ETNK1: variants seen among roughly 807,000 people sequenced by gnomAD.
ETNK1 encodes ethanolamine kinase 1.
A neutral mutation model predicts 45.1 loss-of-function variants in ETNK1; 8 were observed. That is an observed-to-expected ratio of 0.18 (90% CI 0.10 to 0.32). The LOEUF (loss-of-function observed/expected upper bound fraction) is 0.32. Among genes scored for constraint, ETNK1 ranks in the 10% least tolerant of loss-of-function variants. The probability of loss-of-function intolerance (pLI) is 1.00; values close to 1 mark genes in which losing one functional copy is unlikely to be tolerated. For missense variants in ETNK1, 302 were observed against 430.6 expected, an observed-to-expected ratio of 0.70 and a Z score of 2.64; for synonymous variants, 152 against 151.9, an observed-to-expected ratio of 1.00 and a Z score of -0.01.
At chr12:22,669,252 A>G (rs990588012) in intron 4 of ETNK1, among the ~76,000 whole-genome samples, 4 of 151,984 alleles carry the variant, frequency 2.6e-5, no homozygotes, top group African/African-American at 7.2e-5. Context: ...TTGTATAGGG[A>G]ATTCATCTTC....
intron 2 of ETNK1, among the ~76,000 whole-genome samples, chr12:22,658,389 G>C (rs1953965351): frequency 6.6e-6 from 1 of 152,162 alleles, no homozygotes; most frequent in South Asian, 2.1e-4. Context: ...TCAGGAATCT[G>C]ACTCACCAGT....
chr12:22,633,504 G>A (rs1396373241), intron 1 of ETNK1, among the ~76,000 whole-genome samples: 2 of 152,176 alleles, frequency 1.3e-5, no homozygotes, highest in Admixed American at 6.5e-5. Flanking sequence ...AGCTTTGTTC[G>A]TTTTTAAGAT....
chr12:22,659,771 G>T (rs1346625657), intron 3 of ETNK1, among the ~76,000 whole-genome samples: 1 of 152,014 alleles, frequency 6.6e-6, no homozygotes, highest in Non-Finnish European at 1.5e-5. Context: ...TTCAAAGAAG[G>T]TTATTTGAGT....
At chr12:22,635,530 C>G (rs1265523810) in intron 1 of ETNK1, among the ~76,000 whole-genome samples, 1 of 152,186 alleles carries the variant, frequency 6.6e-6, no homozygotes, top group Non-Finnish European at 1.5e-5. Flanking sequence ...AGTTCTAAGA[C>G]TTCTACTCCT....
At chr12:22,676,983 C>T (rs999783168) in intron 6 of ETNK1, among the ~76,000 whole-genome samples, 1 of 152,010 alleles carries the variant, frequency 6.6e-6, no homozygotes, top group South Asian at 2.1e-4. Flanking sequence ...ACGATAGTTT[C>T]TTTTGCTGTG....
chr12:22,626,068 C>T, intron 1 of ETNK1: 1 of 353,692 alleles, frequency 2.8e-6, no homozygotes, highest in South Asian at 2.1e-5. Flanking sequence ...CAAACCCTAG[C>T]GTACTCAATT....
intron 2 of ETNK1, among the ~76,000 whole-genome samples, chr12:22,656,139 C>T (rs1953938024): frequency 6.6e-6 from 1 of 152,106 alleles, no homozygotes. Flanking sequence ...TAAGTATTTA[C>T]AGTAGAATTG....
intron 4 of ETNK1, among the ~76,000 whole-genome samples, chr12:22,666,595 C>T (rs1490962324): frequency 2.6e-5 from 4 of 151,944 alleles, no homozygotes; most frequent in Non-Finnish European, 5.9e-5. Context: ...TCCTGCTGTC[C>T]CCATTTCTTC....
chr12:22,685,295 C>T lies in ETNK1; in HGVS notation c.*341C>T, dbSNP rs1368778358. Reference sequence around the variant, plus strand: ...TGACTGTTTTTCTCTGTTTCACGTTCGTTGAGTGTAAGCAATGAAAATGTC... The same window carrying T: ...TGACTGTTTTTCTCTGTTTCACGTTTGTTGAGTGTAAGCAATGAAAATGTC... On this transcript the variant is annotated 3_prime_UTR_variant, in exon 8 of 8. Coordinates refer to ENST00000266517, the MANE Select transcript of ETNK1 (RefSeq NM_018638.5). The T allele has an allele frequency of 2.3e-5, 4 of 176,282 alleles. No homozygotes were observed. The highest frequency in any genetic ancestry group is 1.2e-4 in the Admixed American group (2 of 16,394). 10.9% of individuals were successfully genotyped at this position (176,282 alleles called of 1,614,324 possible).
intron 4 of ETNK1, among the ~76,000 whole-genome samples, chr12:22,665,873 T>A (rs1041642517): frequency 6.6e-6 from 1 of 152,108 alleles, no homozygotes; most frequent in African/African-American, 2.4e-5. Flanking sequence ...CAGATAGATA[T>A]GATGTGACAA....
chr12:22,635,857 GC>G (rs1953649250), intron 1 of ETNK1, among the ~76,000 whole-genome samples: 1 of 152,084 alleles, frequency 6.6e-6, no homozygotes, highest in Non-Finnish European at 1.5e-5. Context: ...TTATAATGAA[GC>G]CCATAGTCAA....
chr12:22,685,650 C>A lies in ETNK1; in HGVS notation c.*696C>A, dbSNP rs1954254755. 3 of 151,802 alleles carry A rather than the reference C, an allele frequency of 2.0e-5. No individual in the cohort carries two copies. The highest frequency in any genetic ancestry group is 7.2e-5 in the African/African-American group (3 of 41,496). The allele number at this position is 151,802 out of a possible 1,614,324, so 9.4% of individuals were successfully genotyped here. On this transcript the variant is annotated 3_prime_UTR_variant, in exon 8 of 8. Transcript: ENST00000266517. ...TAAATATAAATATTTACCATATAAT[C>A]TTGGAATAAGTATTAGTTAATGTTA...
intron 1 of ETNK1, among the ~76,000 whole-genome samples, chr12:22,632,195 A>C (rs1387113974): frequency 6.6e-6 from 1 of 152,132 alleles, no homozygotes; most frequent in Non-Finnish European, 1.5e-5. Flanking sequence ...CCGTATGAAC[A>C]TGAAATAATT....
intron 3 of ETNK1, 116 bp downstream of exon 3, chr12:22,659,270 AAG>A: frequency 9.8e-7 from 1 of 1,021,360 alleles, no homozygotes; most frequent in Non-Finnish European, 1.4e-6. Flanking sequence ...CTTTGCATTG[AAG>A]TAAAGTAAGC....
rs927187982 is a variant in ETNK1 at position 22,687,981 on chromosome 12, T to G, written c.*3027T>G. On this transcript the variant is annotated 3_prime_UTR_variant, in exon 8 of 8. Transcript: ENST00000266517. Reference sequence around the variant, plus strand: ...TCTCAGTGCTTAATAAGACTTTTCTTTATTTTTTAGTTAGCCGTTAGGTTT... The same window carrying G: ...TCTCAGTGCTTAATAAGACTTTTCTGTATTTTTTAGTTAGCCGTTAGGTTT... 6.6e-6 allele frequency: 1 copy of G among 152,420 alleles called. No individual in the cohort carries two copies. The highest frequency in any genetic ancestry group is 2.4e-5 in the African/African-American group (1 of 41,544). 9.4% of individuals were successfully genotyped at this position (152,420 alleles called of 1,614,324 possible).
At chr12:22,658,904 C>G in intron 2 of ETNK1, 110 bp from the exon 3 acceptor site, 1 of 1,130,594 alleles carries the variant, frequency 8.8e-7, no homozygotes, top group Non-Finnish European at 1.2e-6. Context: ...ACAGGTAGGT[C>G]TACAAGAAGA....
intron 2 of ETNK1, among the ~76,000 whole-genome samples, chr12:22,653,493 G>T (rs965580137): frequency 4.6e-5 from 7 of 152,048 alleles, no homozygotes; most frequent in Non-Finnish European, 1.0e-4. Flanking sequence ...TGAACATGGG[G>T]TGTCTTTCTG....
chr12:22,677,788 A>G (rs1954175761), intron 6 of ETNK1, among the ~76,000 whole-genome samples: 2 of 152,056 alleles, frequency 1.3e-5, no homozygotes, highest in African/African-American at 4.8e-5. Flanking sequence ...ATGGGAGTTC[A>G]CTCATGATTT....
Position 22,688,116 on chromosome 12 carries a change from A to C in ETNK1, c.*3162A>C, listed in dbSNP as rs1353145942. The stretch of plus-strand genomic sequence containing the variant: ...AAGGAAATTAAAAATGTAATTTAAT[A>C]ATTTCCTATTTTTAGGGTTGTTAAT... On this transcript the variant is annotated 3_prime_UTR_variant, in exon 8 of 8. Coordinates refer to ENST00000266517, the MANE Select transcript of ETNK1 (RefSeq NM_018638.5). The C allele has an allele frequency of 6.6e-6, 1 of 151,898 alleles. No individual in the cohort carries two copies. The allele number at this position is 151,898 out of a possible 1,614,324, so 9.4% of individuals were successfully genotyped here.
Sources: gnomAD v4.1 joint callset for allele counts (sites outside exome capture counted in the v4.1 genomes callset) on GRCh38, gnomAD v4.1.1 for gene constraint, MANE v1.5 for transcripts, NCBI Gene and HGNC (gene_info 2026-07-23, HGNC 2026-07-21) for gene names.